PHACTR2: variants seen among roughly 807,000 people sequenced by gnomAD.
PHACTR2 encodes phosphatase and actin regulator 2, also known as chromosome 6 open reading frame 56.
Under a neutral mutation model 76.0 loss-of-function variants are expected in PHACTR2, and 30 were observed. The ratio of observed to expected loss-of-function variants is 0.39; its 90% CI spans 0.30 to 0.54. The LOEUF is 0.54. Ranked by LOEUF, PHACTR2 falls within the 20% of genes least tolerant of loss-of-function variation. PHACTR2 has a pLI of 0.61. For synonymous variants in PHACTR2, 292 were observed against 292.5 expected (o/e 1.00, Z 0.02); for missense variants, 696 against 781.1 (o/e 0.89, Z 1.30).
rs1022708764 is a variant in PHACTR2, at chr6:143,581,349, C to A, written c.217+44142C>A. 2.6e-5 allele frequency among the ~76,000 whole-genome samples: 4 copies of A among 152,138 alleles called. No individual in the cohort carries two copies. The highest frequency in any genetic ancestry group is 9.7e-5 in the African/African-American group (4 of 41,420). ...CAGTGGTTCATGCCTGTAATCCCAG[C>A]ACTTTGGGAGGTCAAGACAAGGAAG... On this transcript the variant is annotated intron_variant, in intron 1 of 11. Transcript: ENST00000367584. The surrounding 1 kb of genome is among the most constrained non-coding windows in gnomAD (Gnocchi z 4.5).
intron 1 of PHACTR2, among the ~76,000 whole-genome samples, chr6:143,694,451 C>T (rs1449407219): frequency 6.6e-6 from 1 of 152,106 alleles, no homozygotes; most frequent in Non-Finnish European, 1.5e-5. Flanking sequence ...AATGTGGCCA[C>T]CTGACTGGTT....
rs574870017 is a variant in PHACTR2 at position 143,618,056 on chromosome 6, T to G, written c.13+9734T>G. On this transcript the variant is annotated intron_variant, in intron 1 of 11. Transcript: ENST00000305766. This position sits in a 1 kb window ranked among gnomAD's most constrained non-coding sequence, Gnocchi z 5.2. ...ACATCTCTTGTCAAATTCTGTATAA[T>G]AGAAGAGGTACATTATTAGACCCCC... Among the ~76,000 whole-genome samples, 1 of 152,312 alleles carries G rather than the reference T, an allele frequency of 6.6e-6. No individual in the cohort carries two copies. Among genetic ancestry groups the G allele is most frequent in the South Asian group, 2.1e-4 (1 of 4,824 alleles).
At position 143,596,870 on chromosome 6, in the gene PHACTR2, T is replaced by C. The variant is rs1162918885; in HGVS notation, c.217+59663T>C. Among the ~76,000 whole-genome samples the C allele has an allele frequency of 6.6e-6, 1 of 152,142 alleles. No individual in the cohort carries two copies. The highest frequency in any genetic ancestry group is 1.5e-5 in the Non-Finnish European group (1 of 68,014). ...ATAAAAATAAAAATAAAAAGAATCA[T>C]GGCGTCCAACTCTGGGGCTGTTGCT... On this transcript the variant is annotated intron_variant, in intron 1 of 11. Coordinates refer to the PHACTR2 transcript ENST00000367584. The surrounding 1 kb of genome is among the most constrained non-coding windows in gnomAD (Gnocchi z 4.6).
chr6:143,721,391 T>G (rs1251905241), intron 2 of PHACTR2, among the ~76,000 whole-genome samples: 4 of 152,204 alleles, frequency 2.6e-5, no homozygotes, highest in Non-Finnish European at 5.9e-5. Flanking sequence ...CAAACACTAT[T>G]TATTGTTACT....
At chr6:143,766,053 T>G (rs1779556599) in intron 6 of PHACTR2, among the ~76,000 whole-genome samples, 1 of 152,226 alleles carries the variant, frequency 6.6e-6, no homozygotes, top group African/African-American at 2.4e-5. Flanking sequence ...TAGAACCTGC[T>G]TCAGCACTGC....
chr6:143,691,791 A>G (rs1382156230), intron 1 of PHACTR2, among the ~76,000 whole-genome samples: 2 of 152,222 alleles, frequency 1.3e-5, no homozygotes, highest in African/African-American at 4.8e-5. Flanking sequence ...GAACTATAAG[A>G]AAGATTTTTG....
intron 4 of PHACTR2, among the ~76,000 whole-genome samples, chr6:143,758,287 T>C (rs1779352859): frequency 6.6e-6 from 1 of 152,108 alleles, no homozygotes; most frequent in Non-Finnish European, 1.5e-5. Flanking sequence ...GTAGAGTTTG[T>C]GGTATATAAG....
At chr6:143,609,153 C>A (rs894977842) in intron 1 of PHACTR2, among the ~76,000 whole-genome samples, 2 of 152,180 alleles carry the variant, frequency 1.3e-5, no homozygotes, top group Non-Finnish European at 2.9e-5. Context: ...TGCCTTGAGA[C>A]ACGGTCAGCT....
In PHACTR2 at chr6:143,818,702, G is replaced by A. The variant is rs893230947; in HGVS notation, c.1923-4972G>A. ...GGAGAGAGAATGAGTGCCGAGTGCA[G>A]GGAGAAGCCCAATCAGATCTCGTGA... On this transcript the variant is annotated intron_variant, in intron 12 of 12. Transcript: ENST00000440869. The surrounding 1 kb of genome is among the most constrained non-coding windows in gnomAD (Gnocchi z 4.9). 6.6e-6 allele frequency among the ~76,000 whole-genome samples: 1 copy of A among 152,142 alleles called. No individual in the cohort carries two copies. The highest frequency in any genetic ancestry group is 2.4e-5 in the African/African-American group (1 of 41,410).
rs768036767 is a variant in PHACTR2 at position 143,619,369 on chromosome 6, A to G, written c.13+11047A>G. ...GACCCATTATCGGTCTAAGAAACATATAATGAAGCCACTCAGACAAAATAG... is the reference window on the plus strand; with the variant it reads ...GACCCATTATCGGTCTAAGAAACATGTAATGAAGCCACTCAGACAAAATAG... On this transcript the variant is annotated intron_variant, in intron 1 of 11. Coordinates refer to the PHACTR2 transcript ENST00000305766. This position sits in a 1 kb window ranked among gnomAD's most constrained non-coding sequence, Gnocchi z 4.5. Among the ~76,000 whole-genome samples, 1 of 152,260 alleles carries G rather than the reference A, an allele frequency of 6.6e-6. No individual in the cohort carries two copies. The highest frequency in any genetic ancestry group is 1.9e-4 in the East Asian group (1 of 5,202).
At position 143,739,590 on chromosome 6, in the gene PHACTR2, G is replaced by A. The variant is rs1778895879; in HGVS notation, c.215-9395G>A. Among the ~76,000 whole-genome samples, 1 of 152,152 alleles carries A rather than the reference G, an allele frequency of 6.6e-6. No homozygotes were observed. Among genetic ancestry groups the A allele is most frequent in the South Asian group, 2.1e-4 (1 of 4,832 alleles). ...TCAAAAACACCTGTCTTAGGCATTC[G>A]TGTTTCTTATGAGTTTGCGAGAGTC... On this transcript the variant is annotated intron_variant, in intron 2 of 12. Transcript: ENST00000440869. The surrounding 1 kb of genome is among the most constrained non-coding windows in gnomAD (Gnocchi z 4.3).
chr6:143,752,305 T>A, intron 3 of PHACTR2, among the ~76,000 whole-genome samples: 1 of 152,094 alleles, frequency 6.6e-6, no homozygotes, highest in East Asian at 1.9e-4. Flanking sequence ...AGCAAGTGGT[T>A]TTCTATTTTG....
chr6:143,546,241 T>C lies in PHACTR2; in HGVS notation c.217+9034T>C, dbSNP rs1774994672. ...CTGAGCTCTAACTTATTTTGTGACC[T>C]GTTGGCTAAAATTTGACATTTATAT... On this transcript the variant is annotated intron_variant, in intron 1 of 11. Coordinates refer to the PHACTR2 transcript ENST00000367584. This position sits in a 1 kb window ranked among gnomAD's most constrained non-coding sequence, Gnocchi z 4.9. Among the ~76,000 whole-genome samples the C allele has an allele frequency of 6.6e-6, 1 of 152,202 alleles. No individual in the cohort carries two copies. The highest frequency in any genetic ancestry group is 1.5e-5 in the Non-Finnish European group (1 of 68,046).
chr6:143,806,969 A>T lies in PHACTR2; in HGVS notation c.1846-88A>T. 1.5e-6 allele frequency: 1 copy of T among 665,232 alleles called. No individual in the cohort carries two copies. The highest frequency in any genetic ancestry group is 2.6e-6 in the Non-Finnish European group (1 of 391,316). 41.2% of individuals were successfully genotyped at this position (665,232 alleles called of 1,614,324 possible). On this transcript the variant is annotated intron_variant, in intron 11 of 12. Transcript: ENST00000440869. This position sits in a 1 kb window ranked among gnomAD's most constrained non-coding sequence, Gnocchi z 5.8. ...GAGACTCTATCTCTTAAAAAAAAAAAAAAGGTCTGCTTCATTGATGCTGTA... is the reference window on the plus strand; with the variant it reads ...GAGACTCTATCTCTTAAAAAAAAAATAAAGGTCTGCTTCATTGATGCTGTA...
chr6:143,799,923 T>C (rs1364462091), intron 11 of PHACTR2, among the ~76,000 whole-genome samples: 1 of 152,198 alleles, frequency 6.6e-6, no homozygotes. Flanking sequence ...TGAGTTCAAG[T>C]CCTGGATATC....
In PHACTR2 at chr6:143,771,131, CATAT is replaced by C. The variant is rs199629350; in HGVS notation, c.1233-1118_1233-1115del. ...AGGATTAATTCATATATGTACTTTACATATATATATATGTATATATATATATGTA... is the reference window on the plus strand; with the variant it reads ...AGGATTAATTCATATATGTACTTTACATATATATGTATATATATATATGTA... On this transcript the variant is annotated intron_variant, in intron 6 of 12. Transcript: ENST00000440869. Among the ~76,000 whole-genome samples, 64 of 71,230 alleles carry C rather than the reference CATAT, an allele frequency of 9.0e-4. 1 individual carries two copies. The highest frequency in any genetic ancestry group is 2.9e-3 in the African/African-American group (53 of 18,194). The allele number at this position is 71,230 out of a possible 152,430, so 46.7% of individuals were successfully genotyped here.
At chr6:143,723,921 G>T (rs1489930175) in intron 2 of PHACTR2, among the ~76,000 whole-genome samples, 1 of 151,822 alleles carries the variant, frequency 6.6e-6, no homozygotes, top group East Asian at 1.9e-4. Context: ...CTTTTTGTGT[G>T]GCTTTCTTAA....
rs957071735 is a variant in PHACTR2, at chr6:143,624,101, GT to G, written c.13+15787del. ...TGAAATCTTGTTAATTTTTTTTGTT[GT>G]TTTTTTTGTTTGTTTGTTTGTTTTT... On this transcript the variant is annotated intron_variant, in intron 1 of 11. Transcript: ENST00000305766. The surrounding 1 kb of genome is among the most constrained non-coding windows in gnomAD (Gnocchi z 4.6). Among the ~76,000 whole-genome samples, 1 of 148,744 alleles carries G rather than the reference GT, an allele frequency of 6.7e-6. No individual in the cohort carries two copies. The highest frequency in any genetic ancestry group is 6.7e-5 in the Admixed American group (1 of 14,846).
chr6:143,711,959 T>A (rs1778184632), intron 1 of PHACTR2, 57 bp from the exon 2 acceptor site: 1 of 1,471,848 alleles, frequency 6.8e-7, no homozygotes. Flanking sequence ...ATTGATGATG[T>A]GGTTTTATTA....
Sources: gnomAD v4.1 joint callset for allele counts (sites outside exome capture counted in the v4.1 genomes callset) on GRCh38, gnomAD v4.1.1 for gene constraint, Gnocchi (gnomAD v3.1) non-coding constraint, MANE v1.5 for transcripts, NCBI Gene and HGNC (gene_info 2026-07-23, HGNC 2026-07-21) for gene names.